LZTR1: variants seen among roughly 807,000 people sequenced by gnomAD.
The protein encoded by LZTR1 is leucine zipper like post translational regulator 1.
Under a neutral mutation model 105.7 loss-of-function variants are expected in LZTR1, and 260 were observed. The observed-to-expected ratio is 2.46, with a 90% CI of 2.22 to 2.72. The LOEUF (loss-of-function observed/expected upper bound fraction) is 2.72, where lower values mean the gene tolerates loss of function less well. Among genes scored for constraint, LZTR1 ranks in the 30% most tolerant of loss-of-function variants. The pLI, the probability that LZTR1 is intolerant of heterozygous loss-of-function variation, is 0.00. For missense variants in LZTR1, 1,214 were observed against 1,166.9 expected (o/e 1.04, Z -0.59); for synonymous variants, 490 against 476.4 (o/e 1.03, Z -0.37).
intron 16 of LZTR1, chr22:20,995,276 TG>T: frequency 2.9e-6 from 2 of 684,290 alleles, no homozygotes; most frequent in Non-Finnish European, 2.7e-6. Flanking sequence ...GGGGTGGACA[TG>T]GGGCACCTCT....
chr22:20,997,359 CGCCTGCCCATTGTGAAGAATCGCCGT>C lies in LZTR1; in HGVS notation c.*19_*44del. 1 of 1,589,106 alleles carries C rather than the reference CGCCTGCCCATTGTGAAGAATCGCCGT, an allele frequency of 6.3e-7. No individual in the cohort carries two copies. The highest frequency in any genetic ancestry group is 8.6e-7 in the Non-Finnish European group (1 of 1,157,816). ...GGCGCCGACATCTGAGGCCCTGTGG[CGCCTGCCCATTGTGAAGAATCGCCGT>C]GCCTGCCTGCCCTGCCTACTGAGAA... On this transcript the variant is annotated 3_prime_UTR_variant, in exon 21 of 21. Coordinates refer to ENST00000646124, the MANE Select transcript of LZTR1 (RefSeq NM_006767.4).
chr22:20,991,966 C>G (rs1924623223), intron 9 of LZTR1, 137 bp downstream of exon 9: 4 of 893,248 alleles, frequency 4.5e-6, no homozygotes, highest in African/African-American at 1.7e-5. Flanking sequence ...GACACCTGGG[C>G]CTCAGCCCTG....
At chr22:20,986,323 A>C (rs554127156) in intron 3 of LZTR1, 1 of 159,638 alleles carries the variant, frequency 6.3e-6, no homozygotes, top group African/African-American at 2.4e-5. Flanking sequence ...CTAGGAGTTC[A>C]AGACCAGCTG....
rs762005490 is a variant in LZTR1 at position 20,994,000 on chromosome 22, C to T, written c.1430C>T (p.Ala477Val). Residue 477 changes from alanine to valine, a missense_variant, in exon 13 of 21, where the codon GCG becomes GTG. Physicochemically the swap from Ala to Val is moderately conservative, Grantham distance 64. Transcript: ENST00000646124. ...TGGCTTCGCAGGAAGATCACGCAGG[C>T]GCGGGAGAGGCTGGCCCAGGTGAGG... ...SRWLRRKITQARERLAQKLEQ... is the reference protein window; with the variant it reads ...SRWLRRKITQVRERLAQKLEQ... 7 of 1,610,766 alleles carry T rather than the reference C, an allele frequency of 4.3e-6. No homozygotes were observed. The highest frequency in any genetic ancestry group is 1.7e-5 in the Admixed American group (1 of 59,724).
intron 15 of LZTR1, 32 bp from the exon 16 acceptor site, chr22:20,994,838 T>C: frequency 1.9e-6 from 3 of 1,611,858 alleles, no homozygotes; most frequent in Non-Finnish European, 2.5e-6. Flanking sequence ...CTGGCTTGAC[T>C]CTGCCTGCCT....
At chr22:20,989,802 G>C in intron 7 of LZTR1, 120 bp downstream of exon 7, 3 of 1,079,782 alleles carry the variant, frequency 2.8e-6, no homozygotes, top group Non-Finnish European at 4.1e-6. Flanking sequence ...GAGGTGGGAG[G>C]CAGGGGGAGC....
intron 20 of LZTR1, 83 bp downstream of exon 20, chr22:20,997,049 G>A: frequency 1.4e-6 from 2 of 1,449,008 alleles, no homozygotes; most frequent in Non-Finnish European, 9.7e-7. Context: ...CAGGCTCTGT[G>A]GTCCCCTGCA....
chr22:20,996,472 A>G, intron 18 of LZTR1: 1 of 597,276 alleles, frequency 1.7e-6, no homozygotes, highest in Non-Finnish European at 3.0e-6. Flanking sequence ...CTGCAAGGCC[A>G]TGGAACAGCG....
chr22:20,989,490 C>T, intron 6 of LZTR1, 135 bp from the exon 7 acceptor site: 1 of 765,130 alleles, frequency 1.3e-6, no homozygotes. Flanking sequence ...CACAGAAGTT[C>T]CCGCCTCATG....
In LZTR1 at chr22:20,996,799, C is replaced by T; in HGVS notation, c.2323C>T (p.Gln775Ter). ...GAACGTGACGGTGCAGAACGTGCTGCAGGTAGCCCCCCAGCCCCGTGCACA... is the reference window on the plus strand; with the variant it reads ...GAACGTGACGGTGCAGAACGTGCTGTAGGTAGCCCCCCAGCCCCGTGCACA... ...EMNVTVQNVL[Q>*]ILEAADKTQA... The change falls in exon 19 of 21, where the codon CAG (glutamine) becomes TAG (stop). Residue 775 changes from glutamine (Q) to a stop codon, truncating the protein, a stop_gained and splice_region_variant. Transcript: ENST00000646124. LOFTEE classifies it high-confidence loss of function. 2 of 1,613,598 alleles carry T rather than the reference C, an allele frequency of 1.2e-6. No individual in the cohort carries two copies. The highest frequency in any genetic ancestry group is 1.7e-6 in the Non-Finnish European group (2 of 1,179,928).
At position 20,996,817 on chromosome 22, in the gene LZTR1, C is replaced by T. The variant is rs370143486; in HGVS notation, c.2325+16C>T. On this transcript the variant is annotated intron_variant, in intron 19 of 20. Coordinates refer to ENST00000646124, the MANE Select transcript of LZTR1 (RefSeq NM_006767.4). ...CGTGCTGCAGGTAGCCCCCCAGCCC[C>T]GTGCACATGGCTGCAGCTCCCACTG... is the stretch of plus-strand genomic sequence containing the variant. 2.5e-5 allele frequency: 40 copies of T among 1,612,960 alleles called. No individual in the cohort carries two copies. Among genetic ancestry groups the T allele is most frequent in the Middle Eastern group, 1.6e-4 (1 of 6,062 alleles).
rs373968693 is a variant in LZTR1, at chr22:20,989,622, C to A, written c.594-3C>A. 2 of 1,613,354 alleles carry A rather than the reference C, an allele frequency of 1.2e-6. No homozygotes were observed. On this transcript the variant is annotated splice_region_variant and splice_polypyrimidine_tract_variant and intron_variant, in intron 6 of 20. Transcript: ENST00000646124. ...GGGTCCTCACTGGTCTGTCCTAATA[C>A]AGGTTGAATGACATGTGGACAATTG...
intron 3 of LZTR1, chr22:20,987,209 C>T (rs1438083500): frequency 3.5e-6 from 1 of 285,176 alleles, no homozygotes; most frequent in East Asian, 6.7e-5. Context: ...GCCTGGCCAA[C>T]ATGGTGAAAC....
At position 20,994,649 on chromosome 22, in the gene LZTR1, C is replaced by T. The variant is rs745741890; in HGVS notation, c.1707C>T (p.Tyr569=). The change falls in exon 15 of 21, where the codon TAC becomes TAT. Residue 569 remains tyrosine (Y), a synonymous_variant. Coordinates refer to ENST00000646124, the MANE Select transcript of LZTR1 (RefSeq NM_006767.4). ...LCRLEQLCRQ[Y]IEASVDLQNV... ...GCCTGGAGCAGCTGTGCCGCCAGTA[C>T]ATCGAGGCCTCCGTGGACCTGCAGA... is the stretch of plus-strand genomic sequence containing the variant. 7.4e-6 allele frequency: 12 copies of T among 1,612,818 alleles called. No individual in the cohort carries two copies. The highest frequency in any genetic ancestry group is 1.7e-5 in the Admixed American group (1 of 59,998).
At position 20,994,282 on chromosome 22, in the gene LZTR1, G is replaced by C. The variant is rs1350970933; in HGVS notation, c.1615+13G>C. 8 of 1,596,246 alleles carry C rather than the reference G, an allele frequency of 5.0e-6. No homozygotes were observed. The highest frequency in any genetic ancestry group is 4.5e-5 in the East Asian group (2 of 44,798). ...TACCCACGGAAAGGTCCGCCTGGGTGGGGGTGGAGCAGGGTTGGTGTGGGC... is the reference window on the plus strand; with the variant it reads ...TACCCACGGAAAGGTCCGCCTGGGTCGGGGTGGAGCAGGGTTGGTGTGGGC... On this transcript the variant is annotated intron_variant, in intron 14 of 20. Transcript: ENST00000646124.
chr22:20,990,282 G>A, intron 7 of LZTR1, 104 bp from the exon 8 acceptor site: 1 of 1,286,380 alleles, frequency 7.8e-7, no homozygotes, highest in Admixed American at 1.7e-5. Flanking sequence ...CCTCATCTGG[G>A]GAAGTTTCAA....
At position 20,983,017 on chromosome 22, in the gene LZTR1, T is replaced by C. The variant is rs201817648; in HGVS notation, c.201-10T>C. The C allele has an allele frequency of 1.2e-5, 20 of 1,613,968 alleles. No individual in the cohort carries two copies. The highest frequency in any genetic ancestry group is 1.7e-5 in the Non-Finnish European group (20 of 1,179,840). On this transcript the variant is annotated splice_polypyrimidine_tract_variant and intron_variant, in intron 1 of 20. Transcript: ENST00000646124. The stretch of plus-strand genomic sequence containing the variant: ...CCTGTCCTTACCGCCCTCCACTCCT[T>C]TCTTTCCAGGCGCAGCAAGCACACA...
At chr22:20,989,121 G>C (rs1258305794) in intron 6 of LZTR1, among the ~76,000 whole-genome samples, 1 of 152,260 alleles carries the variant, frequency 6.6e-6, no homozygotes, top group Non-Finnish European at 1.5e-5. Flanking sequence ...GCCAGGAGTT[G>C]CCCTGCGGAG....
Position 20,991,797 on chromosome 22 carries a change from T to A in LZTR1, c.961T>A (p.Trp321Arg), listed in dbSNP as rs1363014013. The change falls in exon 9 of 21, where the codon TGG becomes AGG. Residue 321 changes from tryptophan to arginine, a missense_variant. Trp to Arg is a moderately radical substitution (Grantham distance 101). Transcript: ENST00000646124. ...CTGCTATGACGTGGACTTCCAGACC[T>A]GGGAGGTCGTCCAGCCCAGCTCCGA... is the stretch of plus-strand genomic sequence containing the variant. ...LHCYDVDFQTWEVVQPSSDSE... is the reference protein window; with the variant it reads ...LHCYDVDFQTREVVQPSSDSE... 1 of 1,551,530 alleles carries A rather than the reference T, an allele frequency of 6.4e-7. No individual in the cohort carries two copies. The highest frequency in any genetic ancestry group is 1.4e-5 in the African/African-American group (1 of 73,102).
Sources: allele counts gnomAD v4.1 joint callset (sites outside exome capture counted in the v4.1 genomes callset), GRCh38; gene constraint gnomAD v4.1.1; transcripts MANE v1.5; gene names NCBI Gene and HGNC (gene_info 2026-07-23, HGNC 2026-07-21).